OR4C3: variants seen among roughly 807,000 people sequenced by gnomAD.
OR4C3 encodes olfactory receptor 4C3.
For synonymous variants in OR4C3, 186 were observed against 140.1 expected (o/e 1.33, Z -2.31); for missense variants, 439 against 360.7 (o/e 1.22, Z -1.76).
rs67077733 is a variant in OR4C3, at chr11:48,325,471, C to T, written c.450C>T (p.Gly150=). The T allele has an allele frequency of 7.4e-6, 12 of 1,613,512 alleles. No individual in the cohort carries two copies. The highest frequency in any genetic ancestry group is 1.0e-5 in the Non-Finnish European group (12 of 1,179,772). Residue 150 remains glycine, a synonymous_variant, in exon 1 of 1, where the codon GGC becomes GGT. Transcript: ENST00000319856. ...AMLVGVAWLG[G]FLHSLVQLLL... ...TTGTAGGGGTGGCTTGGCTTGGGGG[C>T]TTCCTGCATTCATTGGTTCAGCTCC...
In OR4C3 at chr11:48,325,111, G is replaced by C; in HGVS notation, c.90G>C (p.Leu30Phe). 6.2e-7 allele frequency: 1 copy of C among 1,614,048 alleles called. No homozygotes were observed. Among genetic ancestry groups the C allele is most frequent in the Non-Finnish European group, 8.5e-7 (1 of 1,179,998 alleles). The change falls in exon 1 of 1, where the codon TTG becomes TTC. Residue 30 changes from leucine (L) to phenylalanine (F), a missense_variant. Transcript: ENST00000319856. ...EVQRVLFVVF[L>F]LIYVVTVCGN... ...AGAGAGTTCTCTTTGTGGTCTTTTT[G>C]CTGATCTATGTGGTCACGGTTTGTG... is the stretch of plus-strand genomic sequence containing the variant.
At position 48,325,438 on chromosome 11, in the gene OR4C3, T is replaced by A; in HGVS notation, c.417T>A (p.Cys139Ter). The change falls in exon 1 of 1, where the codon TGT (cysteine) becomes TGA (stop). Residue 139 changes from cysteine (C) to a stop codon, truncating the protein, a stop_gained. Coordinates refer to ENST00000319856, the MANE Select transcript of OR4C3 (RefSeq NM_001004702.2). LOFTEE classifies it low-confidence loss of function (END_TRUNC). ...CTACCATCATGACCAGGCATCTCTG[T>A]GCCATGCTTGTAGGGGTGGCTTGGC... The part of the protein sequence containing the change: ...HNTTIMTRHL[C>*]AMLVGVAWLG... 1.9e-6 allele frequency: 3 copies of A among 1,613,882 alleles called. No individual in the cohort carries two copies. The highest frequency in any genetic ancestry group is 2.5e-6 in the Non-Finnish European group (3 of 1,179,882).
chr11:48,325,050 T>G lies in OR4C3; in HGVS notation c.29T>G (p.Phe10Cys). 3 of 1,614,170 alleles carry G rather than the reference T, an allele frequency of 1.9e-6. No homozygotes were observed. The highest frequency in any genetic ancestry group is 2.5e-6 in the Non-Finnish European group (3 of 1,180,016). Reference protein sequence around the residue: MDIPQNITEFFMLGLSQNSE... With the variant: MDIPQNITECFMLGLSQNSE... Reference sequence around the variant, plus strand: ...GACATACCACAAAATATCACAGAATTTTTCATGCTGGGGCTCTCACAGAAC... The same window carrying G: ...GACATACCACAAAATATCACAGAATGTTTCATGCTGGGGCTCTCACAGAAC... The change falls in exon 1 of 1, where the codon TTT (phenylalanine) becomes TGT (cysteine). Residue 10 changes from phenylalanine (F) to cysteine (C), a missense_variant. Physicochemically the swap from Phe to Cys is radical, Grantham distance 205. Transcript: ENST00000319856.
At position 48,325,777 on chromosome 11, in the gene OR4C3, T is replaced by C; in HGVS notation, c.756T>C (p.Cys252=). ...FIVVALFFVP[C]IFTYVHPFST... ...TTGTTGCCTTGTTCTTTGTGCCCTG[T>C]ATATTTACTTATGTGCATCCATTTT... The change falls in exon 1 of 1, where the codon TGT becomes TGC. Residue 252 remains cysteine, a synonymous_variant. Transcript: ENST00000319856. The C allele has an allele frequency of 1.2e-6, 2 of 1,612,234 alleles. No homozygotes were observed. Among genetic ancestry groups the C allele is most frequent in the East Asian group, 2.2e-5 (1 of 44,884 alleles).
chr11:48,325,837 T>G lies in OR4C3; in HGVS notation c.816T>G (p.Phe272Leu), dbSNP rs151121526. 2.5e-6 allele frequency: 4 copies of G among 1,602,366 alleles called. No individual in the cohort carries two copies. The highest frequency in any genetic ancestry group is 3.4e-6 in the Non-Finnish European group (4 of 1,175,028). ...TLPIDKNMALFYGILTPMLNP... is the reference protein window; with the variant it reads ...TLPIDKNMALLYGILTPMLNP... Reference sequence around the variant, plus strand: ...CTATAGACAAAAATATGGCATTATTTTATGGTATTCTGACACCTATGTTGA... The same window carrying G: ...CTATAGACAAAAATATGGCATTATTGTATGGTATTCTGACACCTATGTTGA... Residue 272 changes from phenylalanine to leucine, a missense_variant, in exon 1 of 1, where the codon TTT (phenylalanine) becomes TTG (leucine). Physicochemically the swap from Phe to Leu is conservative, Grantham distance 22. Coordinates refer to ENST00000319856, the MANE Select transcript of OR4C3 (RefSeq NM_001004702.2).
Position 48,325,389 on chromosome 11 carries a change from C to A in OR4C3, c.368C>A (p.Ala123Asp). 2 of 1,613,980 alleles carry A rather than the reference C, an allele frequency of 1.2e-6. No homozygotes were observed. Among genetic ancestry groups the A allele is most frequent in the Non-Finnish European group, 1.7e-6 (2 of 1,179,958 alleles). The change falls in exon 1 of 1, where the codon GCC (alanine) becomes GAC (aspartate). Residue 123 changes from alanine to aspartate, a missense_variant. Physicochemically the swap from Ala to Asp is moderately radical, Grantham distance 126. Coordinates refer to ENST00000319856, the MANE Select transcript of OR4C3 (RefSeq NM_001004702.2). ...GTGATGGCTTATGACCGCTATGTGG[C>A]CATCTGTAAGCCCCTGCACAATACT... ...LTVMAYDRYV[A>D]ICKPLHNTTI...
In OR4C3 at chr11:48,325,148, A is replaced by G. The variant is rs376039315; in HGVS notation, c.127A>G (p.Ile43Val). Residue 43 changes from isoleucine to valine, a missense_variant, in exon 1 of 1, where the codon ATT (isoleucine) becomes GTT (valine). Transcript: ENST00000319856. ...GGTCACGGTTTGTGGCAACATGCTC[A>G]TTGTGGTCACTATCACCTCCAGCCC... ...YVVTVCGNML[I>V]VVTITSSPTL... is the part of the protein sequence containing the mutation. 3 of 1,613,948 alleles carry G rather than the reference A, an allele frequency of 1.9e-6. No individual in the cohort carries two copies. Among genetic ancestry groups the G allele is most frequent in the African/African-American group, 2.7e-5 (2 of 74,886 alleles).
Position 48,325,916 on chromosome 11 carries a change from C to T in OR4C3, c.895C>T (p.Leu299Phe). The change falls in exon 1 of 1, where the codon CTC becomes TTC. Residue 299 changes from leucine (L) to phenylalanine (F), a missense_variant. Coordinates refer to ENST00000319856, the MANE Select transcript of OR4C3 (RefSeq NM_001004702.2). ...AGAGGTAAAAAATGCCATGAGAAAG[C>T]TCTTTACATGGTAAGAAATTGCAGG... ...NEEVKNAMRK[L>F]FTW 2.0e-6 allele frequency: 3 copies of T among 1,500,552 alleles called. No individual in the cohort carries two copies. In the South Asian group the frequency reaches 4.1e-5, roughly 21 times the overall value. 93.0% of individuals were successfully genotyped at this position (1,500,552 alleles called of 1,614,324 possible). A position where few individuals can be genotyped will look rare whatever the true frequency, so the allele number is the denominator to read the frequency against.
Position 48,325,074 on chromosome 11 carries a change from A to C in OR4C3, c.53A>C (p.Asn18Thr), listed in dbSNP as rs906684198. The C allele has an allele frequency of 6.2e-7, 1 of 1,614,014 alleles. No homozygotes were observed. Among genetic ancestry groups the C allele is most frequent in the Non-Finnish European group, 8.5e-7 (1 of 1,180,046 alleles). ...TTTTTCATGCTGGGGCTCTCACAGA[A>C]CTCAGAGGTACAGAGAGTTCTCTTT... ...TEFFMLGLSQ[N>T]SEVQRVLFVV... is the part of the protein sequence containing the mutation. Residue 18 changes from asparagine to threonine, a missense_variant, in exon 1 of 1, where the codon AAC becomes ACC. Coordinates refer to ENST00000319856, the MANE Select transcript of OR4C3 (RefSeq NM_001004702.2).
chr11:48,325,670 A>T lies in OR4C3; in HGVS notation c.649A>T (p.Ile217Phe). Residue 217 changes from isoleucine (I) to phenylalanine (F), a missense_variant, in exon 1 of 1, where the codon ATT becomes TTT. Physicochemically the swap from Ile to Phe is conservative, Grantham distance 21. Coordinates refer to ENST00000319856, the MANE Select transcript of OR4C3 (RefSeq NM_001004702.2). ...CTTCCTCATGCTGGCTGCCTCCTAC[A>T]TTGTCATCCTGTACTCCTTGAGGTC... is the stretch of plus-strand genomic sequence containing the variant. Reference protein sequence around the residue: ...LNFLMLAASYIVILYSLRSHS... With the variant: ...LNFLMLAASYFVILYSLRSHS... 6.2e-7 allele frequency: 1 copy of T among 1,613,970 alleles called. No homozygotes were observed. Among genetic ancestry groups the T allele is most frequent in the South Asian group, 1.1e-5 (1 of 91,060 alleles).
chr11:48,324,961 T>C lies in OR4C3; in HGVS notation c.-61T>C, dbSNP rs78206553. 3 of 1,602,036 alleles carry C rather than the reference T, an allele frequency of 1.9e-6. No individual in the cohort carries two copies. The highest frequency in any genetic ancestry group is 2.6e-6 in the Non-Finnish European group (3 of 1,175,154). On this transcript the variant is annotated 5_prime_UTR_variant, in exon 1 of 1. Transcript: ENST00000319856. ...CCCCCATGCAATTAGTTCTATTACT[T>C]ATGTTTCTCCTTGTCTTTATAGGCA...
chr11:48,324,946 A>G lies in OR4C3; in HGVS notation c.-76A>G, dbSNP rs1253963262. 6.3e-7 allele frequency: 1 copy of G among 1,584,382 alleles called. No homozygotes were observed. The highest frequency in any genetic ancestry group is 1.8e-5 in the Admixed American group (1 of 55,404). On this transcript the variant is annotated 5_prime_UTR_variant, in exon 1 of 1. Coordinates refer to ENST00000319856, the MANE Select transcript of OR4C3 (RefSeq NM_001004702.2). ...ACTTGCAATGTTTTTCCCCCATGCAATTAGTTCTATTACTTATGTTTCTCC... is the reference window on the plus strand; with the variant it reads ...ACTTGCAATGTTTTTCCCCCATGCAGTTAGTTCTATTACTTATGTTTCTCC...
At position 48,325,223 on chromosome 11, in the gene OR4C3, G is replaced by C. The variant is rs139115763; in HGVS notation, c.202G>C (p.Asp68His). The C allele has an allele frequency of 1.9e-6, 3 of 1,613,950 alleles. No individual in the cohort carries two copies. Among genetic ancestry groups the C allele is most frequent in the Non-Finnish European group, 2.5e-6 (3 of 1,180,032 alleles). Residue 68 changes from aspartate to histidine, a missense_variant, in exon 1 of 1, where the codon GAC (aspartate) becomes CAC (histidine). Transcript: ENST00000319856. Reference protein sequence around the residue: ...YFFLANLSFIDTFYSSSMAPK... With the variant: ...YFFLANLSFIHTFYSSSMAPK... Reference sequence around the variant, plus strand: ...TTTCCTGGCCAACCTATCCTTTATTGACACCTTTTATTCTTCTTCTATGGC... The same window carrying C: ...TTTCCTGGCCAACCTATCCTTTATTCACACCTTTTATTCTTCTTCTATGGC...
chr11:48,325,173 C>A lies in OR4C3; in HGVS notation c.152C>A (p.Pro51His), dbSNP rs774894705. 6.2e-7 allele frequency: 1 copy of A among 1,614,170 alleles called. No individual in the cohort carries two copies. ...MLIVVTITSS[P>H]TLASPVYFFL... Reference sequence around the variant, plus strand: ...ATTGTGGTCACTATCACCTCCAGCCCCACGCTGGCTTCCCCTGTGTATTTT... The same window carrying A: ...ATTGTGGTCACTATCACCTCCAGCCACACGCTGGCTTCCCCTGTGTATTTT... Residue 51 changes from proline (P) to histidine (H), a missense_variant, in exon 1 of 1, where the codon CCC becomes CAC. By Grantham distance (77) the Pro-to-His change is moderately conservative. Coordinates refer to ENST00000319856, the MANE Select transcript of OR4C3 (RefSeq NM_001004702.2).
At position 48,325,944 on chromosome 11, in the gene OR4C3, G is replaced by T. The variant is rs754482748; in HGVS notation, c.*14G>T. 2 of 1,483,236 alleles carry T rather than the reference G, an allele frequency of 1.3e-6. No homozygotes were observed. The highest frequency in any genetic ancestry group is 2.5e-5 in the Admixed American group (1 of 40,528). 91.9% of individuals were successfully genotyped at this position (1,483,236 alleles called of 1,614,324 possible). The stretch of plus-strand genomic sequence containing the variant: ...TTTACATGGTAAGAAATTGCAGGTG[G>T]AAAATGAGTGGTAAAGCAGGAAATA... On this transcript the variant is annotated 3_prime_UTR_variant, in exon 1 of 1. Coordinates refer to ENST00000319856, the MANE Select transcript of OR4C3 (RefSeq NM_001004702.2).
Position 48,325,082 on chromosome 11 carries a change from G to A in OR4C3, c.61G>A (p.Val21Ile). The change falls in exon 1 of 1, where the codon GTA becomes ATA. Residue 21 changes from valine (V) to isoleucine (I), a missense_variant. By Grantham distance (29) the Val-to-Ile change is conservative (BLOSUM62 3). Transcript: ENST00000319856. ...FMLGLSQNSE[V>I]QRVLFVVFLL... ...GCTGGGGCTCTCACAGAACTCAGAG[G>A]TACAGAGAGTTCTCTTTGTGGTCTT... 6.2e-7 allele frequency: 1 copy of A among 1,614,072 alleles called. No homozygotes were observed. Among genetic ancestry groups the A allele is most frequent in the Non-Finnish European group, 8.5e-7 (1 of 1,179,954 alleles).
chr11:48,325,127 A>G lies in OR4C3; in HGVS notation c.106A>G (p.Thr36Ala), dbSNP rs1852197133. Residue 36 changes from threonine to alanine, a missense_variant, in exon 1 of 1, where the codon ACG becomes GCG. Coordinates refer to ENST00000319856, the MANE Select transcript of OR4C3 (RefSeq NM_001004702.2). ...GGTCTTTTTGCTGATCTATGTGGTC[A>G]CGGTTTGTGGCAACATGCTCATTGT... ...FVVFLLIYVV[T>A]VCGNMLIVVT... 1 of 1,614,200 alleles carries G rather than the reference A, an allele frequency of 6.2e-7. No homozygotes were observed.
rs767488174 is a variant in OR4C3, at chr11:48,325,296, A to G, written c.275A>G (p.Tyr92Cys). The G allele has an allele frequency of 5.6e-6, 9 of 1,613,932 alleles. No homozygotes were observed. The highest frequency in any genetic ancestry group is 1.6e-4 in the Middle Eastern group (1 of 6,084). Residue 92 changes from tyrosine to cysteine, a missense_variant, in exon 1 of 1, where the codon TAT (tyrosine) becomes TGT (cysteine). Transcript: ENST00000319856. ...DSLYEGRTIS[Y>C]ECCMAQLFGA... ...TTGTATGAGGGGAGAACCATCTCTT[A>G]TGAGTGCTGCATGGCTCAGCTCTTT...
Position 48,324,994 on chromosome 11 carries a change from A to T in OR4C3, c.-28A>T, listed in dbSNP as rs145098801. On this transcript the variant is annotated 5_prime_UTR_variant, in exon 1 of 1. Transcript: ENST00000319856. ...TCCTTGTCTTTATAGGCAATACTGC[A>T]CCTGCATTCTCAGTGACCTTGGAAT... The T allele has an allele frequency of 1.2e-5, 20 of 1,612,918 alleles. No homozygotes were observed. Among genetic ancestry groups the T allele is most frequent in the Non-Finnish European group, 1.5e-5 (18 of 1,179,318 alleles).
Sources: gnomAD v4.1 joint callset for allele counts on GRCh38, gnomAD v4.1.1 for gene constraint, MANE v1.5 for transcripts, NCBI Gene and HGNC (gene_info 2026-07-23, HGNC 2026-07-21) for gene names.